RCAN1: variants seen among roughly 807,000 people sequenced by gnomAD.
RCAN1 encodes the protein calcipressin-1.
In RCAN1, 11 loss-of-function variants were observed where a neutral mutation model predicts 22.9. The observed-to-expected ratio is 0.48, with a 90% CI of 0.30 to 0.79. The LOEUF is 0.79. Ranked by LOEUF, RCAN1 falls within the 30% of genes least tolerant of loss-of-function variation. The pLI is 0.06. For missense variants in RCAN1, 291 were observed against 337.8 expected (o/e 0.86, Z 1.09); for synonymous variants, 136 against 142.3 (o/e 0.96, Z 0.32).
At chr21:34,549,877 C>A (rs1201270633) in intron 1 of RCAN1, among the ~76,000 whole-genome samples, 1 of 152,164 alleles carries the variant, frequency 6.6e-6, no homozygotes, top group African/African-American at 2.4e-5. Flanking sequence ...CCAGAGATGA[C>A]CATGCCACCC....
chr21:34,591,466 G>T (rs759509148), intron 1 of RCAN1, among the ~76,000 whole-genome samples: 6 of 152,250 alleles, frequency 3.9e-5, no homozygotes, highest in East Asian at 1.9e-4. Flanking sequence ...TGGGCCCTGG[G>T]GGGGAACACG....
chr21:34,528,326 C>A (rs777738827), intron 1 of RCAN1, among the ~76,000 whole-genome samples: 1 of 152,184 alleles, frequency 6.6e-6, no homozygotes. Context: ...TTAATTTCAA[C>A]GCACTGTGCC....
intron 1 of RCAN1, among the ~76,000 whole-genome samples, chr21:34,601,748 G>A (rs1241370129): frequency 1.3e-5 from 2 of 151,490 alleles, no homozygotes; most frequent in African/African-American, 4.9e-5. Context: ...AACCTGGGAG[G>A]CGGAGCTTGC....
At chr21:34,538,475 C>CT (rs1985775821) in intron 1 of RCAN1, among the ~76,000 whole-genome samples, 1 of 90,888 alleles carries the variant, frequency 1.1e-5, no homozygotes, top group Non-Finnish European at 2.1e-5. Flanking sequence ...ACCACAGCTA[C>CT]TGCCAACTCC....
chr21:34,585,600 G>A (rs750642062), intron 1 of RCAN1, among the ~76,000 whole-genome samples: 11 of 151,826 alleles, frequency 7.2e-5, no homozygotes, highest in Admixed American at 5.9e-4. Flanking sequence ...AAAATTAGCC[G>A]GGCATGGTGG....
At chr21:34,602,463 C>T (rs926935710) in intron 1 of RCAN1, among the ~76,000 whole-genome samples, 26 of 152,200 alleles carry the variant, frequency 1.7e-4, no homozygotes, top group African/African-American at 6.0e-4. Context: ...GAATCACTTT[C>T]CAAACACCTG....
chr21:34,557,129 C>A (rs1366102395), intron 1 of RCAN1, among the ~76,000 whole-genome samples: 1 of 152,202 alleles, frequency 6.6e-6, no homozygotes, highest in African/African-American at 2.4e-5. Flanking sequence ...AGGAGAATTT[C>A]TTGAACCCGG....
rs538639351 is a variant in RCAN1 at position 34,524,713 on chromosome 21, G to A, written c.253-1003C>T. ...TGGCTTTCGTGTCTGTGCACACCTCGCTCTGGTGCCATAGGGCTAGTGAGA... is the reference window on the plus strand; with the variant it reads ...TGGCTTTCGTGTCTGTGCACACCTCACTCTGGTGCCATAGGGCTAGTGAGA... On this transcript the variant is annotated intron_variant, in intron 1 of 3. Transcript: ENST00000313806. The A allele has an allele frequency of 3.3e-5, 6 of 180,042 alleles. No individual in the cohort carries two copies. The South Asian group carries it at 9.5e-4, about 28-fold the overall frequency. The allele number at this position is 180,042 out of a possible 1,614,324, so 11.2% of individuals were successfully genotyped here.
At chr21:34,531,524 G>A (rs531901945) in intron 1 of RCAN1, among the ~76,000 whole-genome samples, 2 of 152,226 alleles carry the variant, frequency 1.3e-5, no homozygotes, top group Admixed American at 6.5e-5. Context: ...AACTGGCCTC[G>A]CTTGGCCTGT....
rs1431752226 is a variant in RCAN1, at chr21:34,614,243, C to T, written c.252+517G>A. The T allele has an allele frequency of 8.0e-6, 8 of 997,766 alleles. No individual in the cohort carries two copies. In the East Asian group the frequency reaches 4.2e-4, roughly 53 times the overall value. 61.8% of individuals were successfully genotyped at this position (997,766 alleles called of 1,614,324 possible). A position where few individuals can be genotyped will look rare whatever the true frequency, so the allele number is the denominator to read the frequency against. On this transcript the variant is annotated intron_variant, in intron 1 of 3. Transcript: ENST00000313806. This position sits in a 1 kb window ranked among gnomAD's most constrained non-coding sequence, Gnocchi z 6.0. ...CCAACACAATTCCACCAAAACTGGC[C>T]AGCCGCTGGCTAATGAGCAACCACG...
chr21:34,549,053 G>A (rs1389516771), intron 1 of RCAN1, among the ~76,000 whole-genome samples: 1 of 152,202 alleles, frequency 6.6e-6, no homozygotes, highest in Admixed American at 6.5e-5. Flanking sequence ...GCTAGGTGGT[G>A]TTCAATCATC....
intron 1 of RCAN1, among the ~76,000 whole-genome samples, chr21:34,602,186 C>T (rs1482903626): frequency 6.6e-6 from 1 of 152,128 alleles, no homozygotes; most frequent in Non-Finnish European, 1.5e-5. Context: ...CCATCTAGAC[C>T]TCTTTACAGA....
Position 34,517,994 on chromosome 21 carries a change from C to T in RCAN1, c.*90G>A. 2 of 1,506,070 alleles carry T rather than the reference C, an allele frequency of 1.3e-6. No individual in the cohort carries two copies. The highest frequency in any genetic ancestry group is 1.8e-6 in the Non-Finnish European group (2 of 1,101,828). 93.3% of individuals were successfully genotyped at this position (1,506,070 alleles called of 1,614,324 possible). On this transcript the variant is annotated 3_prime_UTR_variant, in exon 4 of 4. Coordinates refer to ENST00000313806, the MANE Select transcript of RCAN1 (RefSeq NM_004414.7). ...TTTCTGCCACCCCGATCTCGGCTGC[C>T]ACCTCCGAAGAAGTCGTGACCAGCC...
chr21:34,518,090 G>A lies in RCAN1; in HGVS notation c.753C>T (p.Leu251=), dbSNP rs1242691380. 6.2e-7 allele frequency: 1 copy of A among 1,614,048 alleles called. No homozygotes were observed. Among genetic ancestry groups the A allele is most frequent in the Non-Finnish European group, 8.5e-7 (1 of 1,180,032 alleles). Residue 251 remains leucine (L), a synonymous_variant, in exon 4 of 4, where the codon CTC becomes CTT. Coordinates refer to ENST00000313806, the MANE Select transcript of RCAN1 (RefSeq NM_004414.7). The surrounding 1 kb of genome is among the most constrained non-coding windows in gnomAD (Gnocchi z 4.2). ...TRRPEYTPIH[L]S ...GTCCTCGTCGCGTGCCAGTTCAGCTGAGGTGGATCGGCGTGTACTCCGGCC... is the reference window on the plus strand; with the variant it reads ...GTCCTCGTCGCGTGCCAGTTCAGCTAAGGTGGATCGGCGTGTACTCCGGCC...
chr21:34,613,787 A>C, intron 1 of RCAN1: 4 of 1,503,874 alleles, frequency 2.7e-6, no homozygotes, highest in South Asian at 1.3e-5. Context: ...TGACACTTAC[A>C]TACACCATTC....
chr21:34,614,833 TC>T lies in RCAN1; in HGVS notation c.178del (p.Asp60ThrfsTer52). Reference protein sequence around the residue: ...SFIDCEMEEVDLQDLPSATIA... With the variant: ...SFIDCEMEEVXLQDLPSATIA... ...GGTGGCGCTGGGCAGGTCCTGCAGG[TC>T]CACCTCCTCCATCTCGCAGTCAATG... On this transcript the variant is annotated frameshift_variant, in exon 1 of 4. Transcript: ENST00000313806. LOFTEE classifies it high-confidence loss of function. This position sits in a 1 kb window ranked among gnomAD's most constrained non-coding sequence, Gnocchi z 6.0. 6.7e-7 allele frequency: 1 copy of T among 1,487,096 alleles called. No individual in the cohort carries two copies. Among genetic ancestry groups the T allele is most frequent in the Non-Finnish European group, 9.0e-7 (1 of 1,116,746 alleles). 92.1% of individuals were successfully genotyped at this position (1,487,096 alleles called of 1,614,324 possible).
intron 1 of RCAN1, among the ~76,000 whole-genome samples, chr21:34,608,282 C>T (rs1035829546): frequency 3.9e-5 from 6 of 152,184 alleles, no homozygotes; most frequent in Non-Finnish European, 7.4e-5. Flanking sequence ...GACCACTGGC[C>T]TATAGGATGG....
chr21:34,535,240 CAGA>C (rs776769007), intron 1 of RCAN1, among the ~76,000 whole-genome samples: 3 of 152,226 alleles, frequency 2.0e-5, no homozygotes, highest in Non-Finnish European at 4.4e-5. Context: ...AGAAAGAGAA[CAGA>C]AGAACATTCT....
intron 1 of RCAN1, among the ~76,000 whole-genome samples, chr21:34,534,330 C>A (rs953266221): frequency 6.6e-5 from 10 of 151,928 alleles, no homozygotes; most frequent in Non-Finnish European, 1.5e-4. Flanking sequence ...TCCTTTAAAG[C>A]CTATCATTAA....
Sources: gnomAD v4.1 joint callset for allele counts (sites outside exome capture counted in the v4.1 genomes callset) on GRCh38, gnomAD v4.1.1 for gene constraint, Gnocchi (gnomAD v3.1) non-coding constraint, MANE v1.5 for transcripts, NCBI Gene and HGNC (gene_info 2026-07-23, HGNC 2026-07-21) for gene names.